Variants in TPD52 observed in about 807,000 individuals in gnomAD.
The protein encoded by TPD52 is tumor protein D52, also known as prostate and colon associated protein.
TPD52 carries 17 observed loss-of-function variants against 31.3 expected under a neutral mutation model. That is an observed-to-expected ratio of 0.54 (90% CI 0.37 to 0.82). The LOEUF (loss-of-function observed/expected upper bound fraction) is 0.82. Among genes scored for constraint, TPD52 ranks in the 40% least tolerant of loss-of-function variants. The pLI is 0.00. For missense variants in TPD52, 212 were observed against 240.1 expected, an observed-to-expected ratio of 0.88 and a Z score of 0.77; for synonymous variants, 83 against 89.6, an observed-to-expected ratio of 0.93 and a Z score of 0.42.
At chr8:80,053,117 A>T in intron 3 of TPD52, 165 bp downstream of exon 3, 1 of 657,896 alleles carries the variant, frequency 1.5e-6, no homozygotes, top group Non-Finnish European at 2.4e-6. Context: ...AATTGAAGTT[A>T]CAAAAAAAGG....
chr8:80,122,431 A>C (rs1808321117), intron 1 of TPD52, among the ~76,000 whole-genome samples: 4 of 152,184 alleles, frequency 2.6e-5, no homozygotes, highest in Admixed American at 2.6e-4. Flanking sequence ...AGAGAGAAAA[A>C]GTATCCTTAA....
intron 2 of TPD52, among the ~76,000 whole-genome samples, chr8:80,055,608 T>C (rs928723583): frequency 3.9e-5 from 6 of 152,104 alleles, no homozygotes; most frequent in African/African-American, 1.2e-4. Context: ...AGATAACCTG[T>C]AGAATGGGAG....
intron 1 of TPD52, among the ~76,000 whole-genome samples, chr8:80,099,645 G>A (rs1806590863): frequency 6.6e-6 from 1 of 151,860 alleles, no homozygotes; most frequent in Admixed American, 6.6e-5. Flanking sequence ...TGAGTAGCTG[G>A]GACTACAGGA....
At chr8:80,170,168 A>C (rs1811984624) in intron 1 of TPD52, among the ~76,000 whole-genome samples, 1 of 152,144 alleles carries the variant, frequency 6.6e-6, no homozygotes. Context: ...TAATCCCAGC[A>C]CTTTGGGAGG....
At chr8:80,137,723 A>G (rs1433446934) in intron 1 of TPD52, among the ~76,000 whole-genome samples, 1 of 152,214 alleles carries the variant, frequency 6.6e-6, no homozygotes, top group Non-Finnish European at 1.5e-5. Flanking sequence ...CAGCAGTACC[A>G]AGTTTATAAC....
At chr8:80,171,121 CG>C in intron 1 of TPD52, 4 of 673,588 alleles carry the variant, frequency 5.9e-6, no homozygotes, top group Non-Finnish European at 1.1e-5. Context: ...CCACCCAAAG[CG>C]CATCACGGCC....
chr8:80,171,527 A>G lies in TPD52; in HGVS notation c.-84T>C. 6.9e-7 allele frequency: 1 copy of G among 1,456,112 alleles called. No homozygotes were observed. Among genetic ancestry groups the G allele is most frequent in the Admixed American group, 2.6e-5 (1 of 39,018 alleles). 90.2% of individuals were successfully genotyped at this position (1,456,112 alleles called of 1,614,324 possible). On this transcript the variant is annotated 5_prime_UTR_variant, in exon 1 of 8. Coordinates refer to ENST00000518937, the MANE Select transcript of TPD52 (RefSeq NM_001025253.3). ...TCGGATCGCCCGCCGCGCCGCGCAG[A>G]GCTCCTCCTCGCCTCCGCCGGCGAC...
chr8:80,137,444 G>A (rs529142407), intron 1 of TPD52, among the ~76,000 whole-genome samples: 53 of 151,752 alleles, frequency 3.5e-4, no homozygotes, highest in Admixed American at 1.4e-3. Context: ...TCCAAGATAC[G>A]TGTCAGTTAA....
downstream of TPD52, among the ~76,000 whole-genome samples, chr8:80,031,116 T>C (rs1028251049): frequency 2.4e-4 from 37 of 152,236 alleles, no homozygotes; most frequent in Admixed American, 2.4e-3. Context: ...GTTGTCCGTC[T>C]ATCTTTGACC....
intron 1 of TPD52, among the ~76,000 whole-genome samples, chr8:80,155,445 G>A (rs1810898643): frequency 1.3e-5 from 2 of 152,304 alleles, no homozygotes; most frequent in South Asian, 2.1e-4. Context: ...GGTAGGGGGT[G>A]TCATGGGGTG....
intron 1 of TPD52, among the ~76,000 whole-genome samples, chr8:80,101,448 CAAAAAAAAAAAAAAAAAAA>C (rs113660828): frequency 3.5e-5 from 4 of 114,720 alleles, no homozygotes; most frequent in Non-Finnish European, 4.1e-5. Context: ...ACTCCCAGCT[CAAAAAAAAAAAAAAAAAAA>C]AAAAAAAAAA....
At chr8:80,060,156 AAGAG>A (rs890773506) in intron 2 of TPD52, among the ~76,000 whole-genome samples, 2 of 151,686 alleles carry the variant, frequency 1.3e-5, no homozygotes, top group African/African-American at 4.8e-5. Context: ...AAAAAAAAAA[AAGAG>A]AGAGAAGGCA....
At chr8:80,063,250 C>T (rs1341749424) in intron 2 of TPD52, among the ~76,000 whole-genome samples, 1 of 152,182 alleles carries the variant, frequency 6.6e-6, no homozygotes, top group African/African-American at 2.4e-5. Context: ...ATGTGCTACA[C>T]CATGAATCAA....
At chr8:80,109,161 C>T (rs774020742) in intron 1 of TPD52, among the ~76,000 whole-genome samples, 32 of 152,024 alleles carry the variant, frequency 2.1e-4, no homozygotes, top group African/African-American at 7.7e-4. Flanking sequence ...GGGGACCTTA[C>T]GAGAAGAGAA....
chr8:80,064,562 T>G lies in TPD52; in HGVS notation c.51A>C (p.Glu17Asp). 1 of 1,614,182 alleles carries G rather than the reference T, an allele frequency of 6.2e-7. No individual in the cohort carries two copies. The highest frequency in any genetic ancestry group is 1.3e-5 in the African/African-American group (1 of 75,058). Residue 17 changes from glutamate (E) to aspartate (D), a missense_variant, in exon 2 of 8, where the codon GAA (glutamate) becomes GAC (aspartate). Physicochemically the swap from Glu to Asp is conservative, Grantham distance 45 (BLOSUM62 2). Transcript: ENST00000518937. ...TGATCGTGGCAGCAACATCTTCTCC[T>G]TCCTCAGGGACTGGGTCTGTTCTCA... Reference protein sequence around the residue: ...GLLRTDPVPEEGEDVAATISA... With the variant: ...GLLRTDPVPEDGEDVAATISA...
At chr8:80,146,822 G>A (rs377318108) in intron 1 of TPD52, among the ~76,000 whole-genome samples, 298 of 152,318 alleles carry the variant, frequency 2.0e-3, no homozygotes, top group Middle Eastern at 3.4e-3. Context: ...ACATGGAGCT[G>A]ATGAAAAATA....
At chr8:80,117,018 G>C (rs1338031684) in intron 1 of TPD52, among the ~76,000 whole-genome samples, 1 of 152,020 alleles carries the variant, frequency 6.6e-6, no homozygotes, top group Non-Finnish European at 1.5e-5. Context: ...TTTGATAAAG[G>C]GTGTCTATGG....
At chr8:80,128,905 G>T (rs1487200694) in intron 1 of TPD52, among the ~76,000 whole-genome samples, 1 of 150,878 alleles carries the variant, frequency 6.6e-6, no homozygotes, top group Non-Finnish European at 1.5e-5. Context: ...AGGAAGAAAT[G>T]CTAGATTAGT....
intron 1 of TPD52, among the ~76,000 whole-genome samples, chr8:80,076,791 C>A (rs1814596535): frequency 6.6e-6 from 1 of 152,076 alleles, no homozygotes; most frequent in Non-Finnish European, 1.5e-5. Flanking sequence ...CCTACCTCAG[C>A]CTCCCAAGTA....
Sources: gnomAD v4.1 joint callset for allele counts (sites outside exome capture counted in the v4.1 genomes callset) on GRCh38, gnomAD v4.1.1 for gene constraint, MANE v1.5 for transcripts, NCBI Gene and HGNC (gene_info 2026-07-23, HGNC 2026-07-21) for gene names.